Variants in ZSCAN22 observed in about 807,000 individuals in gnomAD.
ZSCAN22 encodes zinc finger and SCAN domain-containing protein 22.
ZSCAN22 carries 7 observed loss-of-function variants against 12.4 expected under a neutral mutation model. The observed-to-expected ratio is 0.57, with a 90% CI of 0.32 to 1.06. The LOEUF (loss-of-function observed/expected upper bound fraction) is 1.06, where lower values mean the gene tolerates loss of function less well. Among genes scored for constraint, ZSCAN22 ranks in the 50% least tolerant of loss-of-function variants. The probability of loss-of-function intolerance (pLI) is 0.04; values close to 1 mark genes in which losing one functional copy is unlikely to be tolerated. For synonymous variants in ZSCAN22, 243 were observed against 255.9 expected (o/e 0.95, Z 0.48); for missense variants, 576 against 631.7 (o/e 0.91, Z 0.94).
Position 58,338,263 on chromosome 19 carries a change from C to T in ZSCAN22, c.413C>T (p.Pro138Leu). ...TQVLDKRGWD[P>L]GAEPTEASCK... ...GTTCGGACTGTTTCAGGATGGGATC[C>T]AGGAGCCGAGCCCACAGAGGCAAGC... The change falls in exon 3 of 3, where the codon CCA becomes CTA. Residue 138 changes from proline to leucine, a missense_variant. By Grantham distance (98) the Pro-to-Leu change is moderately conservative. Coordinates refer to ENST00000329665, the MANE Select transcript of ZSCAN22 (RefSeq NM_181846.3). The surrounding 1 kb of genome is among the most constrained non-coding windows in gnomAD (Gnocchi z 5.4). 1 of 1,598,256 alleles carries T rather than the reference C, an allele frequency of 6.3e-7. No individual in the cohort carries two copies. Among genetic ancestry groups the T allele is most frequent in the South Asian group, 1.1e-5 (1 of 90,506 alleles).
At chr19:58,337,075 T>C (rs186052172) in intron 2 of ZSCAN22, among the ~76,000 whole-genome samples, 78 of 152,350 alleles carry the variant, frequency 5.1e-4, no homozygotes, top group African/African-American at 1.7e-3. Flanking sequence ...ATGCACACTC[T>C]GATCTCCAAG....
chr19:58,336,104 C>T (rs2051793955), intron 2 of ZSCAN22, among the ~76,000 whole-genome samples: 1 of 152,194 alleles, frequency 6.6e-6, no homozygotes, highest in East Asian at 1.9e-4. Context: ...TCAGTAGATC[C>T]AACCGCTGCT....
chr19:58,330,619 G>T (rs920723695), intron 1 of ZSCAN22, among the ~76,000 whole-genome samples: 6 of 152,212 alleles, frequency 3.9e-5, no homozygotes, highest in African/African-American at 1.4e-4. Flanking sequence ...CTACTGACCA[G>T]ATGACTCTAG....
rs1305978226 is a variant in ZSCAN22, at chr19:58,337,460, T to C, written c.404-794T>C. Among the ~76,000 whole-genome samples the C allele has an allele frequency of 3.5e-4, 25 of 72,440 alleles. 1 individual carries two copies. Among genetic ancestry groups the C allele is most frequent in the African/African-American group, 1.3e-3 (21 of 15,754 alleles). 47.5% of individuals were successfully genotyped at this position (72,440 alleles called of 152,430 possible). On this transcript the variant is annotated intron_variant, in intron 2 of 2. Coordinates refer to ENST00000329665, the MANE Select transcript of ZSCAN22 (RefSeq NM_181846.3). ...CCAGGCCTAGACGCAAGGTGTCGAGTGTGAGGGACAGAACTCCAACCCCAC... is the reference window on the plus strand; with the variant it reads ...CCAGGCCTAGACGCAAGGTGTCGAGCGTGAGGGACAGAACTCCAACCCCAC...
rs1334538099 is a variant in ZSCAN22, at chr19:58,329,716, T to C, written c.-52+2602T>C. On this transcript the variant is annotated intron_variant, in intron 1 of 2. Coordinates refer to ENST00000329665, the MANE Select transcript of ZSCAN22 (RefSeq NM_181846.3). This position sits in a 1 kb window ranked among gnomAD's most constrained non-coding sequence, Gnocchi z 4.1. ...TATAATTGTTCTATTTTATTAGTCA[T>C]TGTTGTTAATTTCTTACTATGCCTA... 6.6e-6 allele frequency among the ~76,000 whole-genome samples: 1 copy of C among 152,226 alleles called. No individual in the cohort carries two copies. The highest frequency in any genetic ancestry group is 1.5e-5 in the Non-Finnish European group (1 of 68,040).
chr19:58,337,295 G>A (rs1313428837), intron 2 of ZSCAN22, among the ~76,000 whole-genome samples: 3 of 152,250 alleles, frequency 2.0e-5, no homozygotes, highest in Non-Finnish European at 2.9e-5. Flanking sequence ...CTAGAGGCAA[G>A]GTGTTGAGTG....
rs1250311287 is a variant in ZSCAN22 at position 58,329,711 on chromosome 19, A to T, written c.-52+2597A>T. On this transcript the variant is annotated intron_variant, in intron 1 of 2. Coordinates refer to ENST00000329665, the MANE Select transcript of ZSCAN22 (RefSeq NM_181846.3). This position sits in a 1 kb window ranked among gnomAD's most constrained non-coding sequence, Gnocchi z 4.1. ...ATTGTTATAATTGTTCTATTTTATT[A>T]GTCATTGTTGTTAATTTCTTACTAT... is the stretch of plus-strand genomic sequence containing the variant. Among the ~76,000 whole-genome samples the T allele has an allele frequency of 6.6e-6, 1 of 152,210 alleles. No homozygotes were observed. The highest frequency in any genetic ancestry group is 1.5e-5 in the Non-Finnish European group (1 of 68,048).
chr19:58,332,268 CTTTTTTTTTTTTT>C (rs35345104), intron 1 of ZSCAN22, among the ~76,000 whole-genome samples: 1 of 81,674 alleles, frequency 1.2e-5, no homozygotes, highest in African/African-American at 5.5e-5. Flanking sequence ...CACTAATATG[CTTTTTTTTTTTTT>C]TTTTTTTTTT....
rs1040011935 is a variant in ZSCAN22 at position 58,339,300 on chromosome 19, C to T, written c.1450C>T (p.Arg484Trp). 8 of 1,611,054 alleles carry T rather than the reference C, an allele frequency of 5.0e-6. No homozygotes were observed. The highest frequency in any genetic ancestry group is 4.0e-5 in the African/African-American group (3 of 75,006). The stretch of plus-strand genomic sequence containing the variant: ...TAGCTCAGCCCTGATGGTTCACTTG[C>T]GGATCCACATCACGGTGCTGCAATG... ...SRSSALMVHL[R>W]IHITVLQ The change falls in exon 3 of 3, where the codon CGG becomes TGG. Residue 484 changes from arginine to tryptophan, a missense_variant. Physicochemically the swap from Arg to Trp is moderately radical, Grantham distance 101. Coordinates refer to ENST00000329665, the MANE Select transcript of ZSCAN22 (RefSeq NM_181846.3). The surrounding 1 kb of genome is among the most constrained non-coding windows in gnomAD (Gnocchi z 5.6).
intron 2 of ZSCAN22, among the ~76,000 whole-genome samples, chr19:58,337,368 C>T (rs73939627): frequency 0.099 from 14,832 of 150,248 alleles, 862 homozygotes; most frequent in African/African-American, 0.2. Flanking sequence ...CAGGCCTAGA[C>T]GCAAGGCGTT....
chr19:58,336,902 G>C (rs930336909), intron 2 of ZSCAN22, among the ~76,000 whole-genome samples: 5 of 152,314 alleles, frequency 3.3e-5, no homozygotes, highest in African/African-American at 1.2e-4. Flanking sequence ...GGTAGACCTG[G>C]GGTTTGAGTC....
At chr19:58,331,215 C>CTTT (rs60442054) in intron 1 of ZSCAN22, among the ~76,000 whole-genome samples, 1 of 131,424 alleles carries the variant, frequency 7.6e-6, no homozygotes. Context: ...ATCAAATGCA[C>CTTT]TTTTTTTTTT....
chr19:58,329,967 G>T lies in ZSCAN22; in HGVS notation c.-52+2853G>T, dbSNP rs1310023737. Among the ~76,000 whole-genome samples the T allele has an allele frequency of 6.6e-6, 1 of 152,178 alleles. No homozygotes were observed. Among genetic ancestry groups the T allele is most frequent in the African/African-American group, 2.4e-5 (1 of 41,450 alleles). On this transcript the variant is annotated intron_variant, in intron 1 of 2. Transcript: ENST00000329665. The surrounding 1 kb of genome is among the most constrained non-coding windows in gnomAD (Gnocchi z 4.1). ...AATGGTATAGCCAATTTGCAAAACAGCCTGGCAGTTTCTTAAAAAGTTAAG... is the reference window on the plus strand; with the variant it reads ...AATGGTATAGCCAATTTGCAAAACATCCTGGCAGTTTCTTAAAAAGTTAAG...
intron 1 of ZSCAN22, among the ~76,000 whole-genome samples, chr19:58,333,219 T>C (rs1403936621): frequency 6.6e-6 from 1 of 152,260 alleles, no homozygotes; most frequent in Non-Finnish European, 1.5e-5. Context: ...TCTCCCACTC[T>C]GTGGGCTGCT....
Position 58,339,368 on chromosome 19 carries a change from AG to A in ZSCAN22, c.*44del. The A allele has an allele frequency of 1.3e-6, 2 of 1,521,310 alleles. No homozygotes were observed. 94.2% of individuals were successfully genotyped at this position (1,521,310 alleles called of 1,614,324 possible). A position where few individuals can be genotyped will look rare whatever the true frequency, so the allele number is the denominator to read the frequency against. Reference sequence around the variant, plus strand: ...GGGGCGTAGCACAGCGTCTTCTCGGAGGCTCGAGGTCTAAGAGAAACGCTGA... The same window carrying A: ...GGGGCGTAGCACAGCGTCTTCTCGGAGCTCGAGGTCTAAGAGAAACGCTGA... On this transcript the variant is annotated 3_prime_UTR_variant, in exon 3 of 3. Coordinates refer to ENST00000329665, the MANE Select transcript of ZSCAN22 (RefSeq NM_181846.3). The surrounding 1 kb of genome is among the most constrained non-coding windows in gnomAD (Gnocchi z 5.6).
chr19:58,340,440 G>A lies in ZSCAN22; in HGVS notation c.*1114G>A. The A allele has an allele frequency of 6.4e-6, 1 of 155,472 alleles. No homozygotes were observed. Among genetic ancestry groups the A allele is most frequent in the Non-Finnish European group, 1.4e-5 (1 of 71,076 alleles). The allele number at this position is 155,472 out of a possible 1,614,324, so 9.6% of individuals were successfully genotyped here. ...CCCACTTATGTGCCTTTGTACCTGT[G>A]CCTGGAACCCTCCTCTTCTTTTTCT... On this transcript the variant is annotated 3_prime_UTR_variant, in exon 3 of 3. Transcript: ENST00000329665.
chr19:58,339,475 T>A lies in ZSCAN22; in HGVS notation c.*149T>A. ...TGCCTGAGGGCAGACTCGGGCTGTC[T>A]AGGAACCACTCTGCATTTGAGGAAC... On this transcript the variant is annotated 3_prime_UTR_variant, in exon 3 of 3. Transcript: ENST00000329665. This position sits in a 1 kb window ranked among gnomAD's most constrained non-coding sequence, Gnocchi z 5.6. The A allele has an allele frequency of 1.4e-6, 1 of 722,918 alleles. No homozygotes were observed. The highest frequency in any genetic ancestry group is 2.2e-6 in the Non-Finnish European group (1 of 450,916). 44.8% of individuals were successfully genotyped at this position (722,918 alleles called of 1,614,324 possible). A position where few individuals can be genotyped will look rare whatever the true frequency, so the allele number is the denominator to read the frequency against.
chr19:58,332,477 G>T (rs780453540), intron 1 of ZSCAN22, among the ~76,000 whole-genome samples: 1 of 150,166 alleles, frequency 6.7e-6, no homozygotes, highest in African/African-American at 2.5e-5. Flanking sequence ...GTTTCACTGT[G>T]TTGGCCAGGC....
At chr19:58,336,109 G>A (rs769871729) in intron 2 of ZSCAN22, among the ~76,000 whole-genome samples, 7 of 152,174 alleles carry the variant, frequency 4.6e-5, no homozygotes, top group Non-Finnish European at 7.3e-5. Flanking sequence ...AGATCCAACC[G>A]CTGCTGCTCT....
Sources: allele counts gnomAD v4.1 joint callset (sites outside exome capture counted in the v4.1 genomes callset), GRCh38; gene constraint gnomAD v4.1.1; non-coding constraint Gnocchi (gnomAD v3.1); transcripts MANE v1.5; gene names NCBI Gene and HGNC (gene_info 2026-07-23, HGNC 2026-07-21).